Variants in AEBP2 observed in about 807,000 individuals in gnomAD.
The protein encoded by AEBP2 is AE binding protein 2, also known as zinc finger protein AEBP2.
AEBP2 carries 10 observed loss-of-function variants against 50.8 expected under a neutral mutation model. The observed-to-expected ratio is 0.20, with a 90% CI of 0.12 to 0.33. The LOEUF (loss-of-function observed/expected upper bound fraction) is 0.33. AEBP2 is among the 10% of genes least tolerant of loss of function. The pLI is 1.00. For synonymous variants in AEBP2, 296 were observed against 261.3 expected, an observed-to-expected ratio of 1.13 and a Z score of -1.28; for missense variants, 570 against 688.0, an observed-to-expected ratio of 0.83 and a Z score of 1.92.
chr12:19,454,752 T>C (rs755572506), intron 1 of AEBP2, among the ~76,000 whole-genome samples: 1 of 152,058 alleles, frequency 6.6e-6, no homozygotes, highest in African/African-American at 2.4e-5. Flanking sequence ...AGGCTAGACC[T>C]CACCAAAGAT....
At chr12:19,482,010 G>T (rs1285074312) in intron 3 of AEBP2, among the ~76,000 whole-genome samples, 1 of 152,116 alleles carries the variant, frequency 6.6e-6, no homozygotes, top group Non-Finnish European at 1.5e-5. Context: ...CATTACTGGG[G>T]TTATAGAACC....
intron 1 of AEBP2, chr12:19,456,867 A>T (rs1479266856): frequency 8.0e-6 from 12 of 1,507,294 alleles, no homozygotes; most frequent in Non-Finnish European, 1.1e-5. Context: ...AATACCACCA[A>T]TTTTTGTAGA....
At chr12:19,457,591 T>C (rs1472396209) in intron 1 of AEBP2, 14 of 1,482,506 alleles carry the variant, frequency 9.4e-6, no homozygotes, top group Admixed American at 4.2e-5. Flanking sequence ...GTGGTGGACT[T>C]GTACGAATCT....
At chr12:19,512,301 T>G in intron 5 of AEBP2, 97 bp from the exon 6 acceptor site, 20 of 746,460 alleles carry the variant, frequency 2.7e-5, no homozygotes, top group Non-Finnish European at 3.6e-5. Context: ...ATTACAGGCA[T>G]GAGCCATCGC....
chr12:19,454,268 T>C (rs1178323836), intron 1 of AEBP2, among the ~76,000 whole-genome samples: 2 of 152,182 alleles, frequency 1.3e-5, no homozygotes, highest in Non-Finnish European at 2.9e-5. Flanking sequence ...TTATTGACTT[T>C]AATTGTTTTC....
At chr12:19,464,322 G>C (rs938834512) in intron 2 of AEBP2, among the ~76,000 whole-genome samples, 1 of 152,026 alleles carries the variant, frequency 6.6e-6, no homozygotes, top group African/African-American at 2.4e-5. Flanking sequence ...ATGTCACTTG[G>C]TATATACCAT....
Position 19,470,363 on chromosome 12 carries a change from G to A in AEBP2, c.880-2885G>A, listed in dbSNP as rs186338720. Among the ~76,000 whole-genome samples, 294 of 152,196 alleles carry A rather than the reference G, an allele frequency of 1.9e-3. 1 individual carries two copies. The highest frequency in any genetic ancestry group is 2.7e-3 in the Non-Finnish European group (185 of 68,006). On this transcript the variant is annotated intron_variant, in intron 2 of 7. Transcript: ENST00000266508. ...GTAGAGACATGGTTTCACCATGTTG[G>A]TCAGGCTGGTCTCGAACTCCTGGCC... is the stretch of plus-strand genomic sequence containing the variant.
chr12:19,479,817 AT>A (rs1487420969), intron 3 of AEBP2, among the ~76,000 whole-genome samples: 1 of 119,530 alleles, frequency 8.4e-6, no homozygotes, highest in Non-Finnish European at 1.6e-5. Context: ...TTTGGTTTCT[AT>A]TTGCATGGAG....
At chr12:19,512,943 C>G (rs1949257402) in intron 6 of AEBP2, among the ~76,000 whole-genome samples, 1 of 152,018 alleles carries the variant, frequency 6.6e-6, no homozygotes, top group Admixed American at 6.6e-5. Context: ...GTGAGACTGT[C>G]TCAAAAACAA....
intron 1 of AEBP2, among the ~76,000 whole-genome samples, chr12:19,418,660 A>G (rs1204929160): frequency 6.6e-6 from 1 of 152,094 alleles, no homozygotes; most frequent in Admixed American, 6.6e-5. Flanking sequence ...CAATGTATAC[A>G]TCACATGTAT....
intron 1 of AEBP2, chr12:19,456,263 T>C: frequency 6.5e-7 from 1 of 1,529,214 alleles, no homozygotes; most frequent in East Asian, 2.3e-5. Context: ...CCTTTTGAGC[T>C]TTCTGGGCAG....
chr12:19,485,708 C>A (rs868835712), intron 3 of AEBP2, among the ~76,000 whole-genome samples: 671 of 124,534 alleles, frequency 5.4e-3, no homozygotes, highest in Admixed American at 6.0e-3. Flanking sequence ...GACCCTGTCT[C>A]AAAAAAAAAA....
intron 3 of AEBP2, among the ~76,000 whole-genome samples, chr12:19,475,204 G>C (rs11044588): frequency 0.021 from 3,247 of 151,690 alleles, 42 homozygotes; most frequent in East Asian, 0.043. Flanking sequence ...TGTACCCACT[G>C]TGTAGTCTTT....
Position 19,442,813 on chromosome 12 carries a change from C to T in AEBP2, c.671+2443C>T, listed in dbSNP as rs535152523. Among the ~76,000 whole-genome samples the T allele has an allele frequency of 4.7e-4, 71 of 152,226 alleles. 1 individual carries two copies. Among genetic ancestry groups the T allele is most frequent in the East Asian group, 1.2e-3 (6 of 5,182 alleles). ...TCTTCTTGTTGCCTTTGAGATTTTT[C>T]TCCCAGTTATTTTGAGTTTGGAAAG... On this transcript the variant is annotated intron_variant, in intron 1 of 7. Transcript: ENST00000266508.
At chr12:19,415,172 G>A (rs1433608007) in intron 1 of AEBP2, among the ~76,000 whole-genome samples, 3 of 150,214 alleles carry the variant, frequency 2.0e-5, no homozygotes, top group African/African-American at 7.4e-5. Context: ...AAATTAGCCT[G>A]GCATGGTGGT....
At chr12:19,461,581 C>A (rs1348060776) in intron 1 of AEBP2, among the ~76,000 whole-genome samples, 1 of 152,052 alleles carries the variant, frequency 6.6e-6, no homozygotes, top group Non-Finnish European at 1.5e-5. Context: ...GCGATCTCGG[C>A]TCACTCCAAC....
At chr12:19,432,509 C>G (rs1003710396) in intron 1 of AEBP2, among the ~76,000 whole-genome samples, 4 of 152,258 alleles carry the variant, frequency 2.6e-5, no homozygotes, top group African/African-American at 9.6e-5. Flanking sequence ...GCCTGGGCAA[C>G]ATGGCAAAAT....
intron 1 of AEBP2, among the ~76,000 whole-genome samples, chr12:19,431,418 T>A (rs1334811367): frequency 6.6e-6 from 1 of 152,190 alleles, no homozygotes; most frequent in Non-Finnish European, 1.5e-5. Flanking sequence ...GAACATCACA[T>A]GAAGTTTTTT....
chr12:19,503,652 G>A (rs2120537339), intron 5 of AEBP2, among the ~76,000 whole-genome samples: 1 of 151,590 alleles, frequency 6.6e-6, no homozygotes, highest in South Asian at 2.1e-4. Context: ...TGTTGAATAG[G>A]AATGGTGAGA....
Sources: gnomAD v4.1 joint callset for allele counts (sites outside exome capture counted in the v4.1 genomes callset) on GRCh38, gnomAD v4.1.1 for gene constraint, MANE v1.5 for transcripts, NCBI Gene and HGNC (gene_info 2026-07-23, HGNC 2026-07-21) for gene names.